The following ABCA13 variants were observed in gnomAD, a reference collection of about 807,000 sequenced individuals.
ABCA13 encodes the protein ATP-binding cassette sub-family A member 13.
In ABCA13, 476 loss-of-function variants were observed where a neutral mutation model predicts 478.7. The ratio of observed to expected loss-of-function variants is 0.99; its 90% CI spans 0.92 to 1.07. The LOEUF is 1.07. ABCA13 is among the 50% of genes least tolerant of loss of function. The pLI is 0.00. For missense variants in ABCA13, 6,060 were observed against 5,910.6 expected (o/e 1.03, Z -0.83); for synonymous variants, 2,252 against 2,158.9 (o/e 1.04, Z -1.20).
intron 44 of ABCA13, among the ~76,000 whole-genome samples, chr7:48,467,267 G>A (rs183057194): frequency 2.6e-5 from 4 of 152,026 alleles, no homozygotes; most frequent in Admixed American, 6.6e-5. Flanking sequence ...TTCTCCCTTC[G>A]TACATGCATG....
intron 23 of ABCA13, among the ~76,000 whole-genome samples, chr7:48,302,669 C>T (rs1483279987): frequency 6.6e-6 from 1 of 152,202 alleles, no homozygotes; most frequent in African/African-American, 2.4e-5. Flanking sequence ...CTCCAAAGGA[C>T]ATGACCTTGT....
At chr7:48,305,343 G>T (rs547952594) in intron 23 of ABCA13, among the ~76,000 whole-genome samples, 1 of 152,150 alleles carries the variant, frequency 6.6e-6, no homozygotes, top group Non-Finnish European at 1.5e-5. Flanking sequence ...CCTGCCCTCC[G>T]ATGCTCATCT....
intron 15 of ABCA13, among the ~76,000 whole-genome samples, chr7:48,261,606 A>G (rs997953575): frequency 2.6e-5 from 4 of 151,778 alleles, no homozygotes; most frequent in Admixed American, 2.6e-4. Flanking sequence ...ACTTCTTTAA[A>G]GATTTTTTAA....
intron 10 of ABCA13, among the ~76,000 whole-genome samples, chr7:48,242,021 A>G (rs180792001): frequency 3.3e-5 from 5 of 152,326 alleles, no homozygotes; most frequent in Admixed American, 2.6e-4. Flanking sequence ...GGATGCCTTG[A>G]AGTAGTGTTC....
At chr7:48,443,818 A>G (rs564707796) in intron 42 of ABCA13, among the ~76,000 whole-genome samples, 36 of 152,272 alleles carry the variant, frequency 2.4e-4, no homozygotes, top group African/African-American at 8.2e-4. Context: ...AAAGAAAATA[A>G]GAGTGAATAA....
chr7:48,497,586 A>G (rs1460544355), intron 48 of ABCA13, among the ~76,000 whole-genome samples: 1 of 152,150 alleles, frequency 6.6e-6, no homozygotes, highest in Non-Finnish European at 1.5e-5. Flanking sequence ...ACCTAGATGT[A>G]TATGTTTTGA....
At chr7:48,426,337 G>C (rs1185222025) in intron 41 of ABCA13, among the ~76,000 whole-genome samples, 2 of 152,178 alleles carry the variant, frequency 1.3e-5, no homozygotes, top group African/African-American at 4.8e-5. Context: ...GATATTGCAT[G>C]CCTCTCCTGA....
At chr7:48,358,497 A>C (rs1810322259) in intron 31 of ABCA13, among the ~76,000 whole-genome samples, 1 of 152,014 alleles carries the variant, frequency 6.6e-6, no homozygotes, top group Non-Finnish European at 1.5e-5. Context: ...AAACACCCTC[A>C]TTTAGATCCA....
chr7:48,243,273 C>T (rs997376749), intron 10 of ABCA13, among the ~76,000 whole-genome samples: 6 of 152,258 alleles, frequency 3.9e-5, no homozygotes, highest in South Asian at 2.1e-4. Flanking sequence ...CCAAGCCACA[C>T]AGCATTTCTT....
At chr7:48,355,308 T>C (rs1412219666) in intron 31 of ABCA13, among the ~76,000 whole-genome samples, 1 of 151,854 alleles carries the variant, frequency 6.6e-6, no homozygotes, top group African/African-American at 2.4e-5. Flanking sequence ...AGGGGAAGTG[T>C]GTTCTAGGGC....
At chr7:48,451,578 T>C (rs1010099606) in intron 42 of ABCA13, among the ~76,000 whole-genome samples, 36 of 152,326 alleles carry the variant, frequency 2.4e-4, no homozygotes, top group African/African-American at 8.4e-4. Context: ...ATTGGCTATT[T>C]TGTAAATCTT....
In ABCA13 at chr7:48,410,589, T is replaced by A; in HGVS notation, c.12140T>A (p.Leu4047His). The A allele has an allele frequency of 6.2e-7, 1 of 1,614,010 alleles. No homozygotes were observed. Among genetic ancestry groups the A allele is most frequent in the South Asian group, 1.1e-5 (1 of 91,082 alleles). The change falls in exon 40 of 62, where the codon CTC becomes CAC. Residue 4047 changes from leucine (L) to histidine (H), a missense_variant. Leu to His is a moderately conservative substitution (Grantham distance 99, BLOSUM62 -3). This residue lies in a region of ABCA13 where 1,627 missense variants were observed against 1,571.0 expected (regional missense o/e 1.04). Transcript: ENST00000435803. ...GCGCTGAGTGACCGCGTGGCCGTCCTCCAGCATGGGAGGCTCAGGTGCTGC... is the reference window on the plus strand; with the variant it reads ...GCGCTGAGTGACCGCGTGGCCGTCCACCAGCATGGGAGGCTCAGGTGCTGC... Reference protein sequence around the residue: ...AEALSDRVAVLQHGRLRCCGP... With the variant: ...AEALSDRVAVHQHGRLRCCGP...
At chr7:48,356,205 G>A (rs1489029138) in intron 31 of ABCA13, among the ~76,000 whole-genome samples, 4 of 151,706 alleles carry the variant, frequency 2.6e-5, no homozygotes, top group Admixed American at 2.0e-4. Context: ...ACAGATAATC[G>A]ACCATTGGAT....
rs949297470 is a variant in ABCA13, at chr7:48,225,155, T to G, written c.469-2107T>G. Among the ~76,000 whole-genome samples the G allele has an allele frequency of 2.2e-4, 32 of 142,482 alleles. 1 individual carries two copies. Among genetic ancestry groups the G allele is most frequent in the African/African-American group, 6.7e-4 (25 of 37,408 alleles). 93.5% of individuals were successfully genotyped at this position (142,482 alleles called of 152,430 possible). On this transcript the variant is annotated intron_variant, in intron 5 of 61. Coordinates refer to ENST00000435803, the MANE Select transcript of ABCA13 (RefSeq NM_152701.5). ...TGCCTGCCTTCCTTCCTTCCTTCCTTCCTTCCTTCCTTCCTTCCTTCCTTC... is the reference window on the plus strand; with the variant it reads ...TGCCTGCCTTCCTTCCTTCCTTCCTGCCTTCCTTCCTTCCTTCCTTCCTTC...
intron 35 of ABCA13, among the ~76,000 whole-genome samples, chr7:48,387,289 A>G (rs1040352586): frequency 6.6e-5 from 10 of 152,182 alleles, no homozygotes; most frequent in African/African-American, 2.4e-4. Flanking sequence ...TGACTGTTAA[A>G]TGGGCTGAAA....
chr7:48,316,230 A>G (rs980745721), intron 26 of ABCA13, among the ~76,000 whole-genome samples: 2 of 152,172 alleles, frequency 1.3e-5, no homozygotes, highest in South Asian at 4.2e-4. Flanking sequence ...AGGCAATTTA[A>G]TATGTCAAAA....
intron 39 of ABCA13, among the ~76,000 whole-genome samples, chr7:48,407,943 T>C (rs192284170): frequency 6.6e-6 from 1 of 152,292 alleles, no homozygotes; most frequent in East Asian, 1.9e-4. Context: ...CCATTTTACA[T>C]AGGGATTTTG....
chr7:48,294,951 T>C (rs142849243), intron 20 of ABCA13, among the ~76,000 whole-genome samples: 1 of 152,366 alleles, frequency 6.6e-6, no homozygotes, highest in Non-Finnish European at 1.5e-5. Context: ...CATTCATCTC[T>C]TTAGAAACAT....
chr7:48,468,961 T>C (rs1436910642), intron 44 of ABCA13, among the ~76,000 whole-genome samples: 6 of 152,246 alleles, frequency 3.9e-5, no homozygotes, highest in Admixed American at 3.3e-4. Context: ...GTTAAAGTAG[T>C]CAACTTTTAG....
Sources: gnomAD v4.1 joint callset for allele counts (sites outside exome capture counted in the v4.1 genomes callset) on GRCh38, gnomAD v4.1.1 for gene constraint, gnomAD v4.1.1 regional missense constraint, MANE v1.5 for transcripts, NCBI Gene and HGNC (gene_info 2026-07-23, HGNC 2026-07-21) for gene names.